The following PDZD8 variants were observed in gnomAD, a reference collection of about 807,000 sequenced individuals.
The protein encoded by PDZD8 is PDZ domain-containing protein 8.
A neutral mutation model predicts 85.8 loss-of-function variants in PDZD8; 14 were observed. That is an observed-to-expected ratio of 0.16 (90% confidence interval 0.11 to 0.26). The LOEUF (loss-of-function observed/expected upper bound fraction) is 0.26. PDZD8 is among the 10% of genes least tolerant of loss of function. The pLI, the probability that PDZD8 is intolerant of heterozygous loss-of-function variation, is 1.00. For missense variants in PDZD8, 1,197 were observed against 1,424.3 expected (o/e 0.84, Z 2.57); for synonymous variants, 592 against 568.6 (o/e 1.04, Z -0.59).
In PDZD8 at chr10:117,285,520, A is replaced by G. The variant is rs762182507; in HGVS notation, c.1262-49T>C. On this transcript the variant is annotated intron_variant, in intron 4 of 4. Transcript: ENST00000334464. ...AAACATGTAAATTATTGCAATAGAA[A>G]TTACTACATTTGTTAAATGTATTTA... is the stretch of plus-strand genomic sequence containing the variant. The G allele has an allele frequency of 9.7e-6, 14 of 1,448,524 alleles. No individual in the cohort carries two copies. In the East Asian group the frequency reaches 3.3e-4, roughly 34 times the overall value. 89.7% of individuals were successfully genotyped at this position (1,448,524 alleles called of 1,614,324 possible). A position where few individuals can be genotyped will look rare whatever the true frequency, so the allele number is the denominator to read the frequency against.
At chr10:117,357,425 G>C (rs1844914767) in intron 1 of PDZD8, among the ~76,000 whole-genome samples, 1 of 151,822 alleles carries the variant, frequency 6.6e-6, no homozygotes. Flanking sequence ...TTGTTGAACA[G>C]AGCATGATCA....
chr10:117,317,642 C>T (rs890880719), intron 3 of PDZD8, among the ~76,000 whole-genome samples: 1 of 152,078 alleles, frequency 6.6e-6, no homozygotes, highest in Non-Finnish European at 1.5e-5. Flanking sequence ...AAAGTAAACG[C>T]AAAAATTTAG....
chr10:117,299,407 T>C (rs1347663074), intron 3 of PDZD8, among the ~76,000 whole-genome samples: 3 of 152,140 alleles, frequency 2.0e-5, no homozygotes, highest in African/African-American at 7.2e-5. Flanking sequence ...CTCAAATCAG[T>C]TTTCCAGACT....
intron 1 of PDZD8, among the ~76,000 whole-genome samples, chr10:117,343,357 C>T (rs766230418): frequency 4.6e-5 from 7 of 152,104 alleles, no homozygotes; most frequent in African/African-American, 7.2e-5. Flanking sequence ...GAAAGCCCCC[C>T]GAGTTTCTCC....
intron 1 of PDZD8, among the ~76,000 whole-genome samples, chr10:117,353,451 C>A (rs1018451245): frequency 6.6e-6 from 1 of 152,026 alleles, no homozygotes; most frequent in African/African-American, 2.4e-5. Flanking sequence ...AAAAGATCAA[C>A]GAATCTCTCT....
At chr10:117,315,535 A>T (rs1844109112) in intron 3 of PDZD8, among the ~76,000 whole-genome samples, 1 of 139,164 alleles carries the variant, frequency 7.2e-6, no homozygotes, top group Non-Finnish European at 1.5e-5. Flanking sequence ...GGTTGCAGTG[A>T]GCTGAGACTG....
At chr10:117,310,646 G>C (rs1844020076) in intron 3 of PDZD8, among the ~76,000 whole-genome samples, 1 of 152,074 alleles carries the variant, frequency 6.6e-6, no homozygotes. Flanking sequence ...CCAAACTATA[G>C]AATGTTATAT....
In PDZD8 at chr10:117,280,915, C is replaced by G. The variant is rs1844566406; in HGVS notation, c.*2353G>C. On this transcript the variant is annotated 3_prime_UTR_variant, in exon 5 of 5. Coordinates refer to ENST00000334464, the MANE Select transcript of PDZD8 (RefSeq NM_173791.5). ...CCATGGTTTAATCAATAAACACCAG[C>G]TACTTACAAGTAGTCCACCTTCCAG... 1 of 152,192 alleles carries G rather than the reference C, an allele frequency of 6.6e-6. No individual in the cohort carries two copies. The highest frequency in any genetic ancestry group is 2.4e-5 in the African/African-American group (1 of 41,434). 9.4% of individuals were successfully genotyped at this position (152,192 alleles called of 1,614,324 possible).
intron 2 of PDZD8, among the ~76,000 whole-genome samples, chr10:117,329,033 C>T (rs762785625): frequency 4.6e-5 from 7 of 152,208 alleles, no homozygotes; most frequent in Non-Finnish European, 1.0e-4. Flanking sequence ...ATAATCTCTA[C>T]ATTTAAACAA....
intron 3 of PDZD8, among the ~76,000 whole-genome samples, chr10:117,294,128 T>C (rs1007580465): frequency 2.6e-5 from 4 of 152,026 alleles, no homozygotes. Context: ...GTCCCCATTT[T>C]AAGAAATTAA....
intron 1 of PDZD8, among the ~76,000 whole-genome samples, chr10:117,343,328 T>C (rs1844648847): frequency 6.6e-6 from 1 of 152,128 alleles, no homozygotes; most frequent in South Asian, 2.1e-4. Flanking sequence ...CTCCTGTTTC[T>C]AAACTAGTAT....
intron 1 of PDZD8, among the ~76,000 whole-genome samples, chr10:117,370,300 G>A (rs1403701657): frequency 6.6e-6 from 1 of 152,094 alleles, no homozygotes; most frequent in Non-Finnish European, 1.5e-5. Flanking sequence ...AGTCAGCTGG[G>A]TCCTTAGAAA....
chr10:117,304,175 T>C (rs1843893371), intron 3 of PDZD8, among the ~76,000 whole-genome samples: 1 of 152,148 alleles, frequency 6.6e-6, no homozygotes, highest in Admixed American at 6.5e-5. Context: ...TCTAAGACCA[T>C]GGGAACCCAC....
At chr10:117,323,496 C>G (rs1308033799) in intron 2 of PDZD8, among the ~76,000 whole-genome samples, 1 of 152,144 alleles carries the variant, frequency 6.6e-6, no homozygotes, top group African/African-American at 2.4e-5. Flanking sequence ...CCCCCAGTAA[C>G]TTATACTTCC....
chr10:117,299,346 T>C (rs114273317), intron 3 of PDZD8, among the ~76,000 whole-genome samples: 3,356 of 152,274 alleles, frequency 0.022, 111 homozygotes, highest in African/African-American at 0.074. Flanking sequence ...CTTCTTGTAT[T>C]TGGATGCCTA....
intron 4 of PDZD8, among the ~76,000 whole-genome samples, chr10:117,286,140 T>C (rs965764374): frequency 6.6e-6 from 1 of 152,266 alleles, no homozygotes; most frequent in African/African-American, 2.4e-5. Flanking sequence ...GTTTTTATTT[T>C]TCTTATTTTT....
chr10:117,297,451 T>C (rs376061665), intron 3 of PDZD8, among the ~76,000 whole-genome samples: 27 of 152,246 alleles, frequency 1.8e-4, no homozygotes, highest in African/African-American at 6.3e-4. Flanking sequence ...CAGACTTGCA[T>C]GCCAATATTC....
At chr10:117,325,366 T>A (rs184125850) in intron 2 of PDZD8, among the ~76,000 whole-genome samples, 1 of 149,528 alleles carries the variant, frequency 6.7e-6, no homozygotes, top group East Asian at 2.0e-4. Flanking sequence ...CTAAAAGACT[T>A]ATTTGAGATT....
chr10:117,288,611 C>T (rs951141206), intron 4 of PDZD8, among the ~76,000 whole-genome samples: 1 of 152,146 alleles, frequency 6.6e-6, no homozygotes, highest in African/African-American at 2.4e-5. Flanking sequence ...CAGGTTCAAG[C>T]AATTCTCCTG....
Sources: gnomAD v4.1 joint callset for allele counts (sites outside exome capture counted in the v4.1 genomes callset) on GRCh38, gnomAD v4.1.1 for gene constraint, MANE v1.5 for transcripts, NCBI Gene and HGNC (gene_info 2026-07-23, HGNC 2026-07-21) for gene names.